The following LRP1B variants were observed in gnomAD, a reference collection of about 807,000 sequenced individuals.
LRP1B encodes LDL receptor related protein 1B.
Under a neutral mutation model 556.6 loss-of-function variants are expected in LRP1B, and 217 were observed. The ratio of observed to expected loss-of-function variants is 0.39; its 90% CI spans 0.35 to 0.44. The LOEUF (loss-of-function observed/expected upper bound fraction) is 0.44, where lower values mean the gene tolerates loss of function less well. Ranked by LOEUF, LRP1B falls within the 20% of genes least tolerant of loss-of-function variation. LRP1B has a pLI of 1.00. For missense variants in LRP1B, 5,053 were observed against 5,620.8 expected (o/e 0.90, Z 3.23); for synonymous variants, 2,047 against 1,865.8 (o/e 1.10, Z -2.50).
intron 3 of LRP1B, among the ~76,000 whole-genome samples, chr2:141,398,642 A>G (rs1690334575): frequency 6.6e-6 from 1 of 152,208 alleles, no homozygotes; most frequent in African/African-American, 2.4e-5. Context: ...TAGCCATGGC[A>G]GATAAAAGGG....
chr2:140,239,694 TTCTTC>T (rs1680866724), intron 87 of LRP1B, among the ~76,000 whole-genome samples, 162 bp from the exon 88 acceptor site: 3 of 150,970 alleles, frequency 2.0e-5, no homozygotes. Context: ...TGGAAAATCA[TTCTTC>T]TCTTAAACAC....
intron 23 of LRP1B, among the ~76,000 whole-genome samples, chr2:140,892,211 T>A (rs1452671724): frequency 6.6e-6 from 1 of 152,032 alleles, no homozygotes; most frequent in African/African-American, 2.4e-5. Context: ...AGAAGAAATA[T>A]GCAAAGAAAT....
intron 66 of LRP1B, among the ~76,000 whole-genome samples, chr2:140,431,148 A>T (rs7581949): frequency 6.6e-6 from 1 of 152,056 alleles, no homozygotes; most frequent in Non-Finnish European, 1.5e-5. Flanking sequence ...TCAGGCTTTT[A>T]GTATTCAGTG....
intron 1 of LRP1B, among the ~76,000 whole-genome samples, chr2:141,953,017 G>T (rs1158214735): frequency 6.6e-6 from 1 of 152,042 alleles, no homozygotes; most frequent in Non-Finnish European, 1.5e-5. Flanking sequence ...CAATTTCATG[G>T]AAAGAAATTC....
chr2:142,001,710 T>C (rs1702660544), intron 1 of LRP1B, among the ~76,000 whole-genome samples: 1 of 152,170 alleles, frequency 6.6e-6, no homozygotes, highest in African/African-American at 2.4e-5. Flanking sequence ...AAAATATGCA[T>C]TGGTTTCCTA....
At chr2:140,556,324 C>G (rs11900187) in intron 43 of LRP1B, among the ~76,000 whole-genome samples, 104 of 152,098 alleles carry the variant, frequency 6.8e-4, no homozygotes, top group Admixed American at 5.4e-3. Flanking sequence ...AAGGCCCCCC[C>G]ACAATGTACT....
chr2:142,086,931 G>A (rs10179841), intron 1 of LRP1B, among the ~76,000 whole-genome samples: 112,855 of 151,978 alleles, frequency 0.74, 42,354 homozygotes, highest in Non-Finnish European at 0.78. Context: ...CCTCTGTGAA[G>A]TATTTTTTTT....
chr2:140,378,609 T>C (rs567756572), intron 67 of LRP1B, among the ~76,000 whole-genome samples: 39 of 152,324 alleles, frequency 2.6e-4, no homozygotes, highest in African/African-American at 8.4e-4. Context: ...TCTTTTTTAG[T>C]TGCTGGAGTT....
chr2:140,369,145 G>A (rs187991346), intron 71 of LRP1B, among the ~76,000 whole-genome samples: 142 of 151,920 alleles, frequency 9.3e-4, no homozygotes, highest in African/African-American at 3.3e-3. Context: ...AAGTCTGGGA[G>A]GATAAAATGG....
rs143556723 is a variant in LRP1B, at chr2:141,882,612, T to C, written c.83-72211A>G. Among the ~76,000 whole-genome samples, 332 of 152,282 alleles carry C rather than the reference T, an allele frequency of 2.2e-3. 2 individuals carry two copies. The highest frequency in any genetic ancestry group is 7.4e-3 in the African/African-American group (308 of 41,554). ...ATCTCATTAGCTGCCAGAGAATGAG[T>C]TAATTAAGCAAAATGCTTATGATCA... On this transcript the variant is annotated intron_variant, in intron 1 of 90. Transcript: ENST00000389484.
At chr2:140,444,303 A>G in intron 65 of LRP1B, 27 bp downstream of exon 65, 1 of 1,613,240 alleles carries the variant, frequency 6.2e-7, no homozygotes, top group Non-Finnish European at 8.5e-7. Context: ...AAGTTAAGAC[A>G]AGACAGAGTA....
intron 79 of LRP1B, among the ~76,000 whole-genome samples, chr2:140,331,349 C>G (rs1680801784): frequency 6.6e-6 from 1 of 152,076 alleles, no homozygotes; most frequent in Non-Finnish European, 1.5e-5. Flanking sequence ...CATTGCTTAC[C>G]TGCCACACAC....
intron 3 of LRP1B, among the ~76,000 whole-genome samples, chr2:141,406,547 CATCT>C (rs71982875): frequency 0.28 from 41,953 of 149,150 alleles, 5,901 homozygotes; most frequent in African/African-American, 0.32. Context: ...ATCTATCTAT[CATCT>C]ATCTATCTAT....
chr2:140,486,540 T>G (rs1292013966), intron 58 of LRP1B, among the ~76,000 whole-genome samples: 1 of 151,842 alleles, frequency 6.6e-6, no homozygotes, highest in Admixed American at 6.6e-5. Flanking sequence ...AGTAATGGAA[T>G]AGTAGTGGCA....
chr2:141,830,773 G>T (rs1697088934), intron 1 of LRP1B, among the ~76,000 whole-genome samples: 2 of 151,666 alleles, frequency 1.3e-5, no homozygotes, highest in Non-Finnish European at 3.0e-5. Flanking sequence ...TGAAAGTTTG[G>T]TGTAACTGAA....
intron 10 of LRP1B, among the ~76,000 whole-genome samples, chr2:141,051,540 T>G (rs1354091659): frequency 6.6e-6 from 1 of 151,908 alleles, no homozygotes; most frequent in African/African-American, 2.4e-5. Flanking sequence ...ATAACATATT[T>G]TAATATATAA....
At chr2:141,491,555 A>G (rs1173557445) in intron 2 of LRP1B, among the ~76,000 whole-genome samples, 1 of 152,154 alleles carries the variant, frequency 6.6e-6, no homozygotes, top group Non-Finnish European at 1.5e-5. Flanking sequence ...AGCCTACCCA[A>G]TTAGAAGCAG....
intron 31 of LRP1B, among the ~76,000 whole-genome samples, chr2:140,817,598 C>CTAAA: frequency 6.6e-6 from 1 of 151,632 alleles, no homozygotes; most frequent in East Asian, 1.9e-4. Context: ...ATGTAAGAAA[C>CTAAA]TAAATATTTT....
At chr2:141,922,942 A>G (rs1193101972) in intron 1 of LRP1B, among the ~76,000 whole-genome samples, 2 of 124,694 alleles carry the variant, frequency 1.6e-5, no homozygotes, top group Non-Finnish European at 3.7e-5. Context: ...TCTACAAAAA[A>G]TAAAAAATTA....
Sources: gnomAD v4.1 joint callset for allele counts (sites outside exome capture counted in the v4.1 genomes callset) on GRCh38, gnomAD v4.1.1 for gene constraint, MANE v1.5 for transcripts, NCBI Gene and HGNC (gene_info 2026-07-23, HGNC 2026-07-21) for gene names.